PDE1A: variants seen among roughly 807,000 people sequenced by gnomAD.
The protein encoded by PDE1A is phosphodiesterase 1A.
PDE1A carries 35 observed loss-of-function variants against 61.7 expected under a neutral mutation model. That is an observed-to-expected ratio of 0.57 (90% CI 0.43 to 0.75). The LOEUF is 0.75. PDE1A is among the 30% of genes least tolerant of loss of function. The pLI is 0.00. For synonymous variants in PDE1A, 232 were observed against 213.2 expected (o/e 1.09, Z -0.77); for missense variants, 597 against 630.6 (o/e 0.95, Z 0.57).
chr2:182,652,265 T>C, the PDE1A span, among the ~76,000 whole-genome samples: 1 of 152,294 alleles, frequency 6.6e-6, no homozygotes, highest in South Asian at 2.1e-4. Flanking sequence ...TAAATATTCT[T>C]TGGGACTCTT....
the PDE1A span, among the ~76,000 whole-genome samples, chr2:182,588,777 C>T: frequency 6.6e-6 from 1 of 152,132 alleles, no homozygotes; most frequent in Non-Finnish European, 1.5e-5. Context: ...GGCGCTATGG[C>T]TCACGCCTGT....
intron 1 of PDE1A, among the ~76,000 whole-genome samples, chr2:182,383,948 C>T (rs1438092997): frequency 6.6e-6 from 1 of 152,180 alleles, no homozygotes; most frequent in Non-Finnish European, 1.5e-5. Flanking sequence ...TAGTCTCATA[C>T]TCCGTGATGG....
At chr2:182,453,097 G>A (rs1685636288) in intron 2 of PDE1A, among the ~76,000 whole-genome samples, 1 of 151,960 alleles carries the variant, frequency 6.6e-6, no homozygotes, top group South Asian at 2.1e-4. Context: ...TTTTTCATGT[G>A]ACCAGAAGTG....
intron 1 of PDE1A, among the ~76,000 whole-genome samples, chr2:182,417,214 A>G (rs1029836432): frequency 1.3e-4 from 20 of 152,224 alleles, no homozygotes; most frequent in African/African-American, 4.6e-4. Context: ...AGCTGATGTT[A>G]TACCACTTTG....
rs73977313 is a variant in PDE1A, at chr2:182,232,504, T to C, written c.418-1373A>G. Among the ~76,000 whole-genome samples the C allele has an allele frequency of 7.0e-3, 1,059 of 152,340 alleles. 9 individuals are homozygous for C. The highest frequency in any genetic ancestry group is 0.024 in the African/African-American group (978 of 41,576). On this transcript the variant is annotated intron_variant, in intron 4 of 13. Transcript: ENST00000351439. ...ATCTGATAAAAAGTATTCAGTCTCT[T>C]TTAAAAATACTTCCTTCAAAAAATA... is the stretch of plus-strand genomic sequence containing the variant.
chr2:182,207,307 A>ACTCTGAGTATTTGAGTACTTATTTGAGT (rs1687190645), intron 7 of PDE1A, among the ~76,000 whole-genome samples: 1 of 151,928 alleles, frequency 6.6e-6, no homozygotes, highest in Non-Finnish European at 1.5e-5. Flanking sequence ...CTTATTTGGG[A>ACTCTGAGTATTTGAGTACTTATTTGAGT]CTCTGAGTAT....
chr2:182,420,744 G>A (rs1489684422), intron 1 of PDE1A, among the ~76,000 whole-genome samples: 9 of 152,140 alleles, frequency 5.9e-5, no homozygotes, highest in South Asian at 2.1e-4. Flanking sequence ...ATAACAAAAC[G>A]TAAGACTTCA....
chr2:182,336,258 C>G (rs1033189705), intron 1 of PDE1A, among the ~76,000 whole-genome samples: 1 of 152,256 alleles, frequency 6.6e-6, no homozygotes, highest in South Asian at 2.1e-4. Context: ...CCCAGCAATC[C>G]CTTTACTGGG....
chr2:182,168,805 C>A (rs918556497), intron 13 of PDE1A, among the ~76,000 whole-genome samples: 1 of 151,964 alleles, frequency 6.6e-6, no homozygotes, highest in Non-Finnish European at 1.5e-5. Flanking sequence ...CAGAAAATAT[C>A]TTTCTCTTAT....
At chr2:182,650,716 T>A in the PDE1A span, among the ~76,000 whole-genome samples, 2 of 152,230 alleles carry the variant, frequency 1.3e-5, no homozygotes, top group African/African-American at 4.8e-5. Context: ...TAACTCTAAC[T>A]TTTTTAACGT....
At chr2:182,550,100 A>G in the PDE1A span, among the ~76,000 whole-genome samples, 1 of 152,142 alleles carries the variant, frequency 6.6e-6, no homozygotes, top group Non-Finnish European at 1.5e-5. Flanking sequence ...CAGATATCCA[A>G]AATAATCAAG....
exon 14 of PDE1A, chr2:182,168,070 AT>A (rs1296234380): frequency 2.3e-5 from 30 of 1,305,772 alleles, no homozygotes; most frequent in Non-Finnish European, 2.8e-5. Flanking sequence ...AGCCCGGTGA[AT>A]TAAGGAGTTT....
chr2:182,309,485 C>T (rs980016648), intron 1 of PDE1A, among the ~76,000 whole-genome samples: 4 of 151,918 alleles, frequency 2.6e-5, no homozygotes, highest in Non-Finnish European at 5.9e-5. Flanking sequence ...CAAATAAGTA[C>T]CCAAAGTGTC....
At chr2:182,546,805 G>C in the PDE1A span, among the ~76,000 whole-genome samples, 1 of 152,150 alleles carries the variant, frequency 6.6e-6, no homozygotes. Context: ...AAATGACAGG[G>C]TGTTGTAGAA....
intron 13 of PDE1A, among the ~76,000 whole-genome samples, chr2:182,173,573 T>C (rs1432731550): frequency 6.6e-6 from 1 of 151,406 alleles, no homozygotes; most frequent in Non-Finnish European, 1.5e-5. Context: ...TAATTTAATT[T>C]ACTAATAATT....
intron 2 of PDE1A, among the ~76,000 whole-genome samples, chr2:182,448,478 G>A (rs1685286765): frequency 6.6e-6 from 1 of 152,028 alleles, no homozygotes; most frequent in South Asian, 2.1e-4. Context: ...TATATGCGAT[G>A]TTTTAGAACC....
chr2:182,255,525 T>C (rs748282662), intron 2 of PDE1A, among the ~76,000 whole-genome samples: 6 of 152,212 alleles, frequency 3.9e-5, no homozygotes, highest in Non-Finnish European at 7.3e-5. Context: ...GCTAAGCAGC[T>C]GAGTTTAAAA....
intron 2 of PDE1A, among the ~76,000 whole-genome samples, chr2:182,483,275 T>C (rs897555611): frequency 2.0e-5 from 3 of 151,734 alleles, no homozygotes; most frequent in African/African-American, 7.3e-5. Context: ...ATAGAAAAAC[T>C]AGACAGAAAA....
chr2:182,521,453 T>A lies in PDE1A; in HGVS notation c.101+823A>T, dbSNP rs75932376. On this transcript the variant is annotated intron_variant, in intron 2 of 14. Coordinates refer to the PDE1A transcript ENST00000410103. ...TTCATATTCATATTTCTCATTTTTA[T>A]CCAAATGTTAAATCTGATTTTTAAA... Among the ~76,000 whole-genome samples, 108 of 152,226 alleles carry A rather than the reference T, an allele frequency of 7.1e-4. No homozygotes were observed. The East Asian group carries it at 0.02, about 28-fold the overall frequency.
Sources: gnomAD v4.1 joint callset for allele counts (sites outside exome capture counted in the v4.1 genomes callset) on GRCh38, gnomAD v4.1.1 for gene constraint, MANE v1.5 for transcripts, NCBI Gene and HGNC (gene_info 2026-07-23, HGNC 2026-07-21) for gene names.